The following RNF111 variants were observed in gnomAD, a reference collection of about 807,000 sequenced individuals.
The protein encoded by RNF111 is E3 ubiquitin-protein ligase Arkadia.
Under a neutral mutation model 95.1 loss-of-function variants are expected in RNF111, and 17 were observed. The observed-to-expected ratio is 0.18, with a 90% confidence interval of 0.12 to 0.27. RNF111 has a LOEUF of 0.27. Among genes scored for constraint, RNF111 ranks in the 10% least tolerant of loss-of-function variants. The pLI, the probability that RNF111 is intolerant of heterozygous loss-of-function variation, is 1.00. For synonymous variants in RNF111, 440 were observed against 414.8 expected (o/e 1.06, Z -0.74); for missense variants, 1,189 against 1,210.4 (o/e 0.98, Z 0.26).
At chr15:59,004,156 C>T (rs913860942) in intron 1 of RNF111, 54 of 1,210,400 alleles carry the variant, frequency 4.5e-5, no homozygotes, top group Non-Finnish European at 5.3e-5. Flanking sequence ...GATGGCAGTT[C>T]TGGATTAGCA....
intron 11 of RNF111, among the ~76,000 whole-genome samples, chr15:59,090,420 G>C (rs1483247225): frequency 1.3e-5 from 2 of 152,104 alleles, no homozygotes; most frequent in Non-Finnish European, 2.9e-5. Context: ...AGTAGAGATA[G>C]TGTTTTGCCA....
intron 1 of RNF111, among the ~76,000 whole-genome samples, chr15:59,013,793 T>C (rs1762936571): frequency 6.6e-6 from 1 of 152,052 alleles, no homozygotes; most frequent in Non-Finnish European, 1.5e-5. Flanking sequence ...TTCATTTTTT[T>C]TCTTTTTTTT....
chr15:59,064,197 A>G (rs372174163), intron 5 of RNF111, among the ~76,000 whole-genome samples: 1 of 152,206 alleles, frequency 6.6e-6, no homozygotes. Flanking sequence ...TGAAAGTAAC[A>G]TAATTATAGA....
intron 1 of RNF111, among the ~76,000 whole-genome samples, chr15:58,992,245 A>G (rs2038850895): frequency 6.6e-6 from 1 of 152,082 alleles, no homozygotes; most frequent in South Asian, 2.1e-4. Flanking sequence ...GTTTTTCACC[A>G]TGTTAGCCAG....
intron 6 of RNF111, among the ~76,000 whole-genome samples, chr15:59,070,068 T>A (rs2042850366): frequency 7.8e-6 from 1 of 128,164 alleles, no homozygotes; most frequent in Non-Finnish European, 1.6e-5. Context: ...TTAGAGAGGA[T>A]CTTGCCTTGT....
intron 1 of RNF111, among the ~76,000 whole-genome samples, chr15:58,998,212 T>G (rs2039169495): frequency 6.6e-6 from 1 of 152,082 alleles, no homozygotes; most frequent in Non-Finnish European, 1.5e-5. Flanking sequence ...CAAGCACATG[T>G]GTTTTTAATA....
Position 59,080,615 on chromosome 15 carries a change from A to C in RNF111, c.1949-321A>C, listed in dbSNP as rs545213559. Reference sequence around the variant, plus strand: ...AAAGAGTGAGTGCAGGAGTGAGCATATACACAGATATTTATCATAGCATTT... The same window carrying C: ...AAAGAGTGAGTGCAGGAGTGAGCATCTACACAGATATTTATCATAGCATTT... On this transcript the variant is annotated intron_variant, in intron 7 of 13. Coordinates refer to ENST00000348370, the MANE Select transcript of RNF111 (RefSeq NM_017610.8). 1.1e-4 allele frequency among the ~76,000 whole-genome samples: 17 copies of C among 152,254 alleles called. No homozygotes were observed. The South Asian group carries it at 3.1e-3, about 28-fold the overall frequency.
At chr15:59,067,117 C>T (rs1489318883) in intron 6 of RNF111, 34 bp downstream of exon 6, 2 of 1,534,456 alleles carry the variant, frequency 1.3e-6, no homozygotes, top group South Asian at 1.2e-5. Context: ...TTCTTTCCTG[C>T]CCCTCTTGTC....
chr15:59,065,839 T>C (rs1317288436), intron 5 of RNF111, among the ~76,000 whole-genome samples: 1 of 152,116 alleles, frequency 6.6e-6, no homozygotes, highest in East Asian at 1.9e-4. Flanking sequence ...GGCAAAATCT[T>C]GTCTCTACAA....
At chr15:59,057,351 A>C (rs1228983695) in intron 4 of RNF111, among the ~76,000 whole-genome samples, 3 of 152,208 alleles carry the variant, frequency 2.0e-5, no homozygotes, top group African/African-American at 4.8e-5. Context: ...TTGCATATAC[A>C]AGCATTTGGA....
intron 1 of RNF111, among the ~76,000 whole-genome samples, chr15:59,024,395 C>G (rs925927529): frequency 6.6e-6 from 1 of 152,112 alleles, no homozygotes; most frequent in African/African-American, 2.4e-5. Flanking sequence ...AGATGAGATT[C>G]CTGCTTCCTT....
intron 13 of RNF111, 128 bp downstream of exon 13, chr15:59,092,768 A>G: frequency 1.1e-6 from 1 of 921,844 alleles, no homozygotes; most frequent in Non-Finnish European, 1.6e-6. Flanking sequence ...CCAAGGCCAG[A>G]GGCTCTCTTG....
intron 2 of RNF111, among the ~76,000 whole-genome samples, chr15:59,047,904 A>G (rs1248467212): frequency 6.6e-6 from 1 of 152,240 alleles, no homozygotes; most frequent in South Asian, 2.1e-4. Flanking sequence ...TATTAAAACC[A>G]CAATGAGATA....
chr15:59,001,054 G>C (rs2039303482), intron 1 of RNF111, among the ~76,000 whole-genome samples: 1 of 152,130 alleles, frequency 6.6e-6, no homozygotes, highest in African/African-American at 2.4e-5. Flanking sequence ...AATGTGAGGT[G>C]GTCAGGGAAG....
At chr15:59,054,763 C>T (rs1596219992) in intron 3 of RNF111, among the ~76,000 whole-genome samples, 1 of 152,216 alleles carries the variant, frequency 6.6e-6, no homozygotes, top group East Asian at 1.9e-4. Context: ...GAGTTCTCTT[C>T]TTAGTGGTTA....
chr15:59,059,259 A>C (rs1484727799), intron 5 of RNF111, among the ~76,000 whole-genome samples: 1 of 152,258 alleles, frequency 6.6e-6, no homozygotes, highest in Non-Finnish European at 1.5e-5. Context: ...CAAGATGCTC[A>C]ACATCACTAA....
intron 2 of RNF111, among the ~76,000 whole-genome samples, chr15:59,039,694 A>G (rs2041351822): frequency 6.6e-6 from 1 of 152,082 alleles, no homozygotes; most frequent in Admixed American, 6.5e-5. Context: ...CCAGACCTAG[A>G]AACAGCTATT....
chr15:59,001,892 C>T (rs938783703), intron 1 of RNF111, among the ~76,000 whole-genome samples: 2 of 152,110 alleles, frequency 1.3e-5, no homozygotes, highest in Non-Finnish European at 2.9e-5. Context: ...TTAATTTATA[C>T]ATTGGGCAGA....
chr15:59,018,381 C>A (rs1164866862), intron 1 of RNF111, among the ~76,000 whole-genome samples: 1 of 152,064 alleles, frequency 6.6e-6, no homozygotes, highest in East Asian at 1.9e-4. Context: ...TTATGCCTAG[C>A]CAAGATTCCT....
Sources: allele counts gnomAD v4.1 joint callset (sites outside exome capture counted in the v4.1 genomes callset), GRCh38; gene constraint gnomAD v4.1.1; transcripts MANE v1.5; gene names NCBI Gene and HGNC (gene_info 2026-07-23, HGNC 2026-07-21).